TMEM184B: variants seen among roughly 807,000 people sequenced by gnomAD.
The protein encoded by TMEM184B is putative MAPK-activating protein FM08.
TMEM184B carries 17 observed loss-of-function variants against 41.8 expected under a neutral mutation model. That is an observed-to-expected ratio of 0.41 (90% CI 0.28 to 0.61). TMEM184B has a LOEUF of 0.61. Among genes scored for constraint, TMEM184B ranks in the 20% least tolerant of loss-of-function variants. The pLI is 0.34. For missense variants in TMEM184B, 393 were observed against 557.8 expected, an observed-to-expected ratio of 0.70 and a Z score of 2.98; for synonymous variants, 240 against 229.5, an observed-to-expected ratio of 1.05 and a Z score of -0.41.
At position 38,226,884 on chromosome 22, in the gene TMEM184B, A is replaced by C; in HGVS notation, c.526-14T>G. ...CTGCAGGGTGGCCTGTTGGGGGGAA[A>C]AGGAGGTTGAGTGTGGAGGAGGAGC... On this transcript the variant is annotated splice_polypyrimidine_tract_variant and intron_variant, in intron 5 of 8. Coordinates refer to ENST00000361906, the MANE Select transcript of TMEM184B (RefSeq NM_012264.5). This position sits in a 1 kb window ranked among gnomAD's most constrained non-coding sequence, Gnocchi z 4.6. The C allele has an allele frequency of 6.4e-7, 1 of 1,573,014 alleles. No homozygotes were observed.
intron 1 of TMEM184B, among the ~76,000 whole-genome samples, chr22:38,251,023 T>TG (rs2092150196): frequency 6.6e-6 from 1 of 152,148 alleles, no homozygotes; most frequent in South Asian, 2.1e-4. Context: ...TCCTACAAAG[T>TG]GGGGGGACCT....
chr22:38,253,847 A>G (rs2092222272), intron 1 of TMEM184B, among the ~76,000 whole-genome samples: 1 of 152,218 alleles, frequency 6.6e-6, no homozygotes, highest in African/African-American at 2.4e-5. Context: ...GTGGAAGAAT[A>G]TATTTGCAAG....
intron 1 of TMEM184B, among the ~76,000 whole-genome samples, chr22:38,265,904 G>A (rs1302616991): frequency 6.6e-6 from 1 of 152,222 alleles, no homozygotes; most frequent in African/African-American, 2.4e-5. Context: ...CGGTAAATGG[G>A]GAACAGCCCT....
chr22:38,232,816 T>C (rs1409869918), intron 3 of TMEM184B, among the ~76,000 whole-genome samples: 1 of 152,210 alleles, frequency 6.6e-6, no homozygotes, highest in Non-Finnish European at 1.5e-5. Context: ...GGTTCTCTTA[T>C]CCTTCGGTGC....
At chr22:38,252,187 G>C (rs970535297) in intron 1 of TMEM184B, among the ~76,000 whole-genome samples, 8 of 151,898 alleles carry the variant, frequency 5.3e-5, no homozygotes, top group Non-Finnish European at 1.0e-4. Flanking sequence ...AGCCTCCCAA[G>C]TAGCTGGGAC....
At chr22:38,256,301 C>T (rs60855861) in intron 1 of TMEM184B, among the ~76,000 whole-genome samples, 1,643 of 151,836 alleles carry the variant, frequency 0.011, 31 homozygotes, top group African/African-American at 0.038. Flanking sequence ...GTAACCTCTG[C>T]CTCCCGGGTT....
chr22:38,233,747 A>ATT (rs67986725), intron 3 of TMEM184B, among the ~76,000 whole-genome samples: 9 of 151,312 alleles, frequency 5.9e-5, no homozygotes, highest in Middle Eastern at 3.4e-3. Context: ...TGATGGTTGT[A>ATT]TTTTTTTTTG....
chr22:38,259,303 C>G (rs2092333262), intron 1 of TMEM184B, among the ~76,000 whole-genome samples: 1 of 152,206 alleles, frequency 6.6e-6, no homozygotes, highest in Non-Finnish European at 1.5e-5. Context: ...GAAGAATAAT[C>G]CCCCAAAGAT....
chr22:38,235,494 C>G (rs898390883), intron 3 of TMEM184B, among the ~76,000 whole-genome samples: 7 of 152,260 alleles, frequency 4.6e-5, no homozygotes, highest in Non-Finnish European at 1.0e-4. Flanking sequence ...TCAGAATCAT[C>G]AAATGTCATC....
intron 1 of TMEM184B, among the ~76,000 whole-genome samples, chr22:38,267,565 T>A (rs1040809002): frequency 6.6e-6 from 1 of 151,936 alleles, no homozygotes; most frequent in Non-Finnish European, 1.5e-5. Context: ...CCCAAGTAGC[T>A]GGGTTTACAG....
intron 1 of TMEM184B, among the ~76,000 whole-genome samples, chr22:38,270,526 G>C (rs930402079): frequency 3.9e-5 from 6 of 152,166 alleles, no homozygotes; most frequent in African/African-American, 1.2e-4. Flanking sequence ...GCACATATTT[G>C]TTACACATTG....
downstream of TMEM184B, among the ~76,000 whole-genome samples, chr22:38,216,739 A>G (rs1449366369): frequency 5.3e-5 from 8 of 152,058 alleles, no homozygotes; most frequent in African/African-American, 1.9e-4. Context: ...CCATGGGCAC[A>G]ATGAAATTTA....
intron 3 of TMEM184B, among the ~76,000 whole-genome samples, chr22:38,235,701 T>G (rs1215468561): frequency 6.6e-6 from 1 of 152,188 alleles, no homozygotes; most frequent in Non-Finnish European, 1.5e-5. Context: ...ACTGACCAAC[T>G]GGACACATCA....
intron 3 of TMEM184B, among the ~76,000 whole-genome samples, chr22:38,235,452 G>A (rs1287952998): frequency 6.6e-6 from 1 of 152,160 alleles, no homozygotes; most frequent in African/African-American, 2.4e-5. Context: ...CGTGGCCGAG[G>A]TCCCTCCGTA....
chr22:38,231,448 G>T (rs769399691), intron 3 of TMEM184B, 114 bp from the exon 4 acceptor site: 6 of 879,860 alleles, frequency 6.8e-6, no homozygotes, highest in Admixed American at 5.3e-5. Flanking sequence ...TGGCAACAGG[G>T]AGGAGGCTGG....
downstream of TMEM184B, chr22:38,219,187 G>A (rs2091192750): frequency 1.1e-6 from 1 of 878,580 alleles, no homozygotes; most frequent in African/African-American, 1.8e-5. Context: ...TTACACACAG[G>A]AAGGAGAGGG....
At chr22:38,250,606 C>G (rs1004318930) in intron 1 of TMEM184B, among the ~76,000 whole-genome samples, 2 of 152,152 alleles carry the variant, frequency 1.3e-5, no homozygotes, top group African/African-American at 4.8e-5. Flanking sequence ...GTCTATCATC[C>G]CAAATTAAAT....
In TMEM184B at chr22:38,221,536, G is replaced by C. The variant is rs774475380; in HGVS notation, c.1157C>G (p.Ser386Cys). 1.2e-6 allele frequency: 2 copies of C among 1,613,808 alleles called. No homozygotes were observed. Among genetic ancestry groups the C allele is most frequent in the East Asian group, 4.5e-5 (2 of 44,866 alleles). Reference sequence around the variant, plus strand: ...GTCGCGGGCGCCACTGAGGCTGTGGGAGCGGGAGAGGCCGTGGGCGCCACC... The same window carrying C: ...GTCGCGGGCGCCACTGAGGCTGTGGCAGCGGGAGAGGCCGTGGGCGCCACC... ...WRGGAHGLSR[S>C]HSLSGARDNE... Residue 386 changes from serine to cysteine, a missense_variant, in exon 9 of 9, where the codon TCC becomes TGC. Ser to Cys is a moderately radical substitution (Grantham distance 112). This residue lies in a region of TMEM184B where 271 missense variants were observed against 434.1 expected (regional missense o/e 0.62). Coordinates refer to ENST00000361906, the MANE Select transcript of TMEM184B (RefSeq NM_012264.5).
chr22:38,258,188 G>A (rs1234342544), intron 1 of TMEM184B, among the ~76,000 whole-genome samples: 1 of 152,190 alleles, frequency 6.6e-6, no homozygotes, highest in Non-Finnish European at 1.5e-5. Flanking sequence ...TGGGCCTGAG[G>A]CAGGTGACTG....
Sources: allele counts gnomAD v4.1 joint callset (sites outside exome capture counted in the v4.1 genomes callset), GRCh38; gene constraint gnomAD v4.1.1; regional missense constraint gnomAD v4.1.1; non-coding constraint Gnocchi (gnomAD v3.1); transcripts MANE v1.5; gene names NCBI Gene and HGNC (gene_info 2026-07-23, HGNC 2026-07-21).